Variants in WWOX observed in about 807,000 individuals in gnomAD.
The protein encoded by WWOX is WW domain-containing oxidoreductase.
A neutral mutation model predicts 46.2 loss-of-function variants in WWOX; 69 were observed. The observed-to-expected ratio is 1.49, with a 90% CI of 1.23 to 1.82. WWOX has a LOEUF of 1.82. Among genes scored for constraint, WWOX ranks in the 40% most tolerant of loss-of-function variants. WWOX has a pLI of 0.00. For missense variants in WWOX, 919 were observed against 542.6 expected (o/e 1.69, Z -6.89); for synonymous variants, 359 against 202.6 (o/e 1.77, Z -6.56).
At chr16:79,135,015 C>T (rs1330742671) in intron 8 of WWOX, among the ~76,000 whole-genome samples, 2 of 152,226 alleles carry the variant, frequency 1.3e-5, no homozygotes, top group South Asian at 2.1e-4. Context: ...AGGGCTTATG[C>T]TGTTCATTGG....
intron 5 of WWOX, among the ~76,000 whole-genome samples, chr16:78,308,653 T>C (rs1357706057): frequency 6.6e-6 from 1 of 152,222 alleles, no homozygotes; most frequent in Non-Finnish European, 1.5e-5. Context: ...GGTCTTTTCC[T>C]GATCCAGGAG....
chr16:78,787,047 C>G (rs1347279801), intron 8 of WWOX, among the ~76,000 whole-genome samples: 1 of 152,104 alleles, frequency 6.6e-6, no homozygotes, highest in Non-Finnish European at 1.5e-5. Flanking sequence ...ATTCAGGAGG[C>G]TGAGGCAGGA....
chr16:78,370,600 A>C (rs1466615994), intron 5 of WWOX, among the ~76,000 whole-genome samples: 1 of 151,732 alleles, frequency 6.6e-6, no homozygotes, highest in African/African-American at 2.4e-5. Context: ...ATTCTGTCTT[A>C]TTTATTTTTT....
intron 8 of WWOX, among the ~76,000 whole-genome samples, chr16:78,938,701 T>C (rs1212648487): frequency 6.6e-6 from 1 of 152,196 alleles, no homozygotes; most frequent in African/African-American, 2.4e-5. Context: ...AGACTAAGTG[T>C]CTTTGTTCTA....
intron 5 of WWOX, among the ~76,000 whole-genome samples, chr16:78,213,597 G>T (rs762478249): frequency 1.3e-5 from 2 of 151,764 alleles, no homozygotes; most frequent in South Asian, 2.1e-4. Context: ...GGATTTTTGT[G>T]GGGGAGAGGG....
intron 8 of WWOX, among the ~76,000 whole-genome samples, chr16:78,974,063 C>A (rs1028332094): frequency 2.0e-5 from 3 of 152,286 alleles, no homozygotes; most frequent in East Asian, 1.9e-4. Flanking sequence ...ATGGTTTCAC[C>A]TTTCTGAAAA....
intron 8 of WWOX, among the ~76,000 whole-genome samples, chr16:78,722,660 A>G (rs1597492943): frequency 6.6e-6 from 1 of 151,426 alleles, no homozygotes; most frequent in Non-Finnish European, 1.5e-5. Context: ...AGAGGGATGT[A>G]ACTGGAGCAT....
intron 8 of WWOX, among the ~76,000 whole-genome samples, chr16:78,547,135 A>G (rs2044054243): frequency 2.7e-5 from 1 of 37,632 alleles, no homozygotes; most frequent in African/African-American, 4.9e-5. Context: ...CAGAAAAAAA[A>G]AAAAAAAAAA....
chr16:78,192,025 G>A (rs2035897901), intron 5 of WWOX, among the ~76,000 whole-genome samples: 1 of 152,092 alleles, frequency 6.6e-6, no homozygotes, highest in Non-Finnish European at 1.5e-5. Context: ...AGGCAAGTTA[G>A]TTAGCCTCTC....
At chr16:78,493,879 T>C (rs4888811) in intron 8 of WWOX, among the ~76,000 whole-genome samples, 112,896 of 152,068 alleles carry the variant, frequency 0.74, 44,282 homozygotes, top group Admixed American at 0.86. Flanking sequence ...TCCATTTGGA[T>C]AGATGAATGG....
intron 8 of WWOX, among the ~76,000 whole-genome samples, chr16:79,008,578 C>G (rs931645284): frequency 6.6e-6 from 1 of 152,164 alleles, no homozygotes; most frequent in Non-Finnish European, 1.5e-5. Context: ...CCCCATTTCA[C>G]AGATGTTGAA....
intron 4 of WWOX, among the ~76,000 whole-genome samples, chr16:78,116,227 C>T (rs1384997736): frequency 6.6e-6 from 1 of 152,164 alleles, no homozygotes; most frequent in Non-Finnish European, 1.5e-5. Flanking sequence ...GTTGTGCTAT[C>T]AAATAGTAGG....
intron 8 of WWOX, among the ~76,000 whole-genome samples, chr16:79,171,448 TAAG>T: frequency 6.6e-6 from 1 of 152,346 alleles, no homozygotes; most frequent in South Asian, 2.1e-4. Flanking sequence ...TGGTGGTTTA[TAAG>T]AAGTTTTTTG....
intron 8 of WWOX, among the ~76,000 whole-genome samples, chr16:78,950,393 C>T (rs768338238): frequency 1.3e-5 from 2 of 152,012 alleles, no homozygotes; most frequent in Non-Finnish European, 2.9e-5. Context: ...TGCCATTGTT[C>T]TGAGAGGAAG....
At chr16:78,260,766 C>A (rs1289856172) in intron 5 of WWOX, among the ~76,000 whole-genome samples, 1 of 149,412 alleles carries the variant, frequency 6.7e-6, no homozygotes, top group Non-Finnish European at 1.5e-5. Context: ...TGGTGAAACC[C>A]CGTCTGTACC....
intron 8 of WWOX, among the ~76,000 whole-genome samples, chr16:79,154,066 C>T (rs545607887): frequency 6.6e-6 from 1 of 152,290 alleles, no homozygotes; most frequent in African/African-American, 2.4e-5. Context: ...CTTTGGCCTC[C>T]ATTCTAACAT....
intron 8 of WWOX, among the ~76,000 whole-genome samples, chr16:78,585,795 G>A (rs1332933068): frequency 2.6e-5 from 4 of 151,514 alleles, no homozygotes; most frequent in Admixed American, 6.6e-5. Context: ...GCAGATTCCC[G>A]TATCATGGTG....
chr16:79,035,214 C>G (rs972429104), intron 8 of WWOX, among the ~76,000 whole-genome samples: 2 of 152,308 alleles, frequency 1.3e-5, no homozygotes, highest in Non-Finnish European at 2.9e-5. Context: ...TAGTGGCCCA[C>G]AATAAGACGT....
At chr16:79,101,442 A>G (rs922116729) in intron 8 of WWOX, 1 of 152,198 alleles carries the variant, frequency 6.6e-6, no homozygotes, top group Non-Finnish European at 1.5e-5. Flanking sequence ...ATTCCCCAAA[A>G]TTACTTGATG....
Sources: allele counts gnomAD v4.1 joint callset (sites outside exome capture counted in the v4.1 genomes callset), GRCh38; gene constraint gnomAD v4.1.1; transcripts MANE v1.5; gene names NCBI Gene and HGNC (gene_info 2026-07-23, HGNC 2026-07-21).